XRN1: variants seen among roughly 807,000 people sequenced by gnomAD.
The protein encoded by XRN1 is strand-exchange protein 1 homolog.
A neutral mutation model predicts 222.3 loss-of-function variants in XRN1; 67 were observed. The ratio of observed to expected loss-of-function variants is 0.30; its 90% CI spans 0.25 to 0.37. XRN1 has a LOEUF of 0.37. Among genes scored for constraint, XRN1 ranks in the 10% least tolerant of loss-of-function variants. The pLI, the probability that XRN1 is intolerant of heterozygous loss-of-function variation, is 1.00. For synonymous variants in XRN1, 643 were observed against 652.4 expected (o/e 0.99, Z 0.22); for missense variants, 1,707 against 2,000.2 (o/e 0.85, Z 2.80).
At chr3:142,440,347 A>G (rs769663600) in intron 1 of XRN1, among the ~76,000 whole-genome samples, 1 of 152,054 alleles carries the variant, frequency 6.6e-6, no homozygotes, top group Non-Finnish European at 1.5e-5. Flanking sequence ...ATTCTAGCAA[A>G]AGTAGGGGTC....
chr3:142,358,101 C>T (rs924759944), intron 30 of XRN1, among the ~76,000 whole-genome samples: 1 of 152,066 alleles, frequency 6.6e-6, no homozygotes, highest in Non-Finnish European at 1.5e-5. Flanking sequence ...ATGGTTTGGG[C>T]AGTCTAGGTT....
intron 37 of XRN1, among the ~76,000 whole-genome samples, chr3:142,319,230 C>T (rs1012593289): frequency 7.9e-5 from 12 of 152,172 alleles, no homozygotes; most frequent in Admixed American, 6.5e-4. Context: ...AACATGGCCA[C>T]ATCCATTCTA....
intron 1 of XRN1, among the ~76,000 whole-genome samples, chr3:142,435,625 C>A (rs182173691): frequency 6.6e-6 from 1 of 151,342 alleles, no homozygotes; most frequent in South Asian, 2.1e-4. Context: ...TGGGTGGTGG[C>A]GCATGCCTGT....
chr3:142,386,953 T>C (rs143920559), intron 20 of XRN1, among the ~76,000 whole-genome samples: 2 of 152,302 alleles, frequency 1.3e-5, no homozygotes, highest in African/African-American at 4.8e-5. Context: ...TGTAGGCATA[T>C]GCTATGAAGC....
chr3:142,355,660 C>T lies in XRN1; in HGVS notation c.3673-164G>A, dbSNP rs1169877778. Among the ~76,000 whole-genome samples, 12 of 151,958 alleles carry T rather than the reference C, an allele frequency of 7.9e-5. No homozygotes were observed. The East Asian group carries it at 9.7e-4, about 12-fold the overall frequency. On this transcript the variant is annotated intron_variant, in intron 31 of 40. Coordinates refer to ENST00000392981, the MANE Select transcript of XRN1 (RefSeq NM_001282857.2). ...TACTCATGTGGGGTCTTGCTCATGT[C>T]GCCCAAGCTGGGGAGCTGTGGTGGG...
chr3:142,439,928 C>G (rs1285421626), intron 1 of XRN1, among the ~76,000 whole-genome samples: 1 of 152,148 alleles, frequency 6.6e-6, no homozygotes, highest in Non-Finnish European at 1.5e-5. Context: ...TTGTCCATGC[C>G]CCTTATGTCA....
At chr3:142,392,932 G>T (rs1437866581) in intron 20 of XRN1, among the ~76,000 whole-genome samples, 7 of 146,336 alleles carry the variant, frequency 4.8e-5, no homozygotes, top group African/African-American at 5.0e-5. Flanking sequence ...CTAGTTTACA[G>T]TCCCACCAAC....
intron 23 of XRN1, among the ~76,000 whole-genome samples, chr3:142,377,578 T>A (rs2067182130): frequency 6.6e-6 from 1 of 152,190 alleles, no homozygotes; most frequent in Admixed American, 6.5e-5. Flanking sequence ...AACAGTTTTA[T>A]TTAATACATA....
chr3:142,356,484 G>C (rs879053621), intron 31 of XRN1, among the ~76,000 whole-genome samples: 1 of 152,136 alleles, frequency 6.6e-6, no homozygotes, highest in Admixed American at 6.5e-5. Flanking sequence ...GGAAATAAAG[G>C]AAATCACCCA....
rs1378887814 is a variant in XRN1 at position 142,311,712 on chromosome 3, G to A, written c.4884C>T (p.Asn1628=). 1.9e-6 allele frequency: 3 copies of A among 1,614,162 alleles called. No homozygotes were observed. Among genetic ancestry groups the A allele is most frequent in the Non-Finnish European group, 2.5e-6 (3 of 1,179,998 alleles). ...TCTCCCGTGGACTTACTTTGACAAT[G>A]TTGGAAGAATCTGGCTGGCTAGTCT... ...PVQTSQPDSS[N]IVKVSPRESS... is the part of the protein sequence containing the mutation. Residue 1628 remains asparagine, a synonymous_variant, in exon 41 of 41, where the codon AAC becomes AAT. Coordinates refer to ENST00000392981, the MANE Select transcript of XRN1 (RefSeq NM_001282857.2).
At chr3:142,414,583 C>T (rs967021704) in intron 13 of XRN1, among the ~76,000 whole-genome samples, 38 of 152,056 alleles carry the variant, frequency 2.5e-4, no homozygotes, top group African/African-American at 8.7e-4. Flanking sequence ...GCAAGCTCCA[C>T]CTCCCGGGCT....
chr3:142,332,657 A>G (rs572066348), intron 35 of XRN1, 123 bp from the exon 36 acceptor site: 5 of 939,822 alleles, frequency 5.3e-6, no homozygotes, highest in Non-Finnish European at 7.5e-6. Context: ...GACATTAACT[A>G]CATTCAGATA....
At chr3:142,384,267 G>A (rs530178460) in intron 21 of XRN1, among the ~76,000 whole-genome samples, 16 of 134,360 alleles carry the variant, frequency 1.2e-4, no homozygotes, top group Non-Finnish European at 2.3e-4. Flanking sequence ...GCGAGACTCT[G>A]TCTCAAAAAA....
intron 20 of XRN1, among the ~76,000 whole-genome samples, chr3:142,395,885 A>G (rs1264064868): frequency 6.6e-6 from 1 of 152,086 alleles, no homozygotes; most frequent in Admixed American, 6.5e-5. Flanking sequence ...TTCCCTCATC[A>G]TGAAACACTT....
Position 142,335,139 on chromosome 3 carries a change from A to T in XRN1, c.3939+309T>A, listed in dbSNP as rs1349600938. ...TACAGGCATGAGCCACCACGCCTGG[A>T]CAAGTGATTAATATTTTTATCTCCA... On this transcript the variant is annotated intron_variant, in intron 34 of 40. Transcript: ENST00000392981. Among the ~76,000 whole-genome samples, 8 of 152,036 alleles carry T rather than the reference A, an allele frequency of 5.3e-5. No homozygotes were observed. In the East Asian group the frequency reaches 1.5e-3, roughly 29 times the overall value.
Position 142,306,831 on chromosome 3 carries a change from T to C in XRN1, c.*4680A>G, listed in dbSNP as rs2064976123. On this transcript the variant is annotated 3_prime_UTR_variant, in exon 41 of 41. Transcript: ENST00000392981. ...TTAATTGGCAGACAATGTAAAGATA[T>C]TTAAAATCAAAAATTACAAAATGAG... 6.6e-6 allele frequency: 1 copy of C among 152,662 alleles called. No individual in the cohort carries two copies. The highest frequency in any genetic ancestry group is 2.4e-5 in the African/African-American group (1 of 41,462). The allele number at this position is 152,662 out of a possible 1,614,324, so 9.5% of individuals were successfully genotyped here.
At chr3:142,381,650 C>G (rs1033497389) in intron 22 of XRN1, among the ~76,000 whole-genome samples, 5 of 150,302 alleles carry the variant, frequency 3.3e-5, no homozygotes, top group Admixed American at 2.7e-4. Flanking sequence ...TCACCACAAC[C>G]TCTGTCTCCC....
intron 29 of XRN1, 79 bp downstream of exon 29, chr3:142,364,968 G>T: frequency 7.1e-7 from 1 of 1,407,718 alleles, no homozygotes; most frequent in Non-Finnish European, 9.6e-7. Flanking sequence ...TTTCTGGTTA[G>T]ATATAAAAAA....
chr3:142,378,517 A>C (rs1399101909), intron 23 of XRN1, among the ~76,000 whole-genome samples: 1 of 152,188 alleles, frequency 6.6e-6, no homozygotes, highest in Non-Finnish European at 1.5e-5. Flanking sequence ...TAGAAATTAA[A>C]ATGATTAAAT....
Sources: allele counts gnomAD v4.1 joint callset (sites outside exome capture counted in the v4.1 genomes callset), GRCh38; gene constraint gnomAD v4.1.1; transcripts MANE v1.5; gene names NCBI Gene and HGNC (gene_info 2026-07-23, HGNC 2026-07-21).